The following NHERF2 variants were observed in gnomAD, a reference collection of about 807,000 sequenced individuals.
NHERF2 encodes Na(+)/H(+) exchange regulatory cofactor NHE-RF2.
chr16:2,036,530 GC>G, the NHERF2 span: 1 of 1,561,650 alleles, frequency 6.4e-7, no homozygotes, highest in Non-Finnish European at 8.7e-7. Context: ...GCTGCGGGGT[GC>G]CGAGTGCCCC....
At chr16:2,026,991 T>C in the NHERF2 span, 1 of 1,087,410 alleles carries the variant, frequency 9.2e-7, no homozygotes, top group Non-Finnish European at 1.1e-6. Context: ...GGGCGGCCGG[T>C]GGGCAGCGGG....
At chr16:2,028,834 C>A in the NHERF2 span, among the ~76,000 whole-genome samples, 2 of 152,198 alleles carry the variant, frequency 1.3e-5, no homozygotes, top group Non-Finnish European at 2.9e-5. Context: ...GCTGGCCCCC[C>A]GCGTGGTCCA....
chr16:2,036,190 T>C, the NHERF2 span: 60,977 of 847,592 alleles, frequency 0.072, 2,669 homozygotes, highest in Non-Finnish European at 0.088. Flanking sequence ...GTGCCCGGAG[T>C]GTTTGCCACT....
chr16:2,035,362 C>G, the NHERF2 span: 2 of 948,102 alleles, frequency 2.1e-6, no homozygotes, highest in Admixed American at 6.8e-5. Flanking sequence ...CTCCTGAGGT[C>G]TGAGCGCCCC....
chr16:2,027,303 A>AGGGGGCTCCCGC, the NHERF2 span: 1 of 764,074 alleles, frequency 1.3e-6, no homozygotes, highest in South Asian at 5.1e-5. Flanking sequence ...CGGGGGCCCG[A>AGGGGGCTCCCGC]GGGGGCTCCC....
the NHERF2 span, chr16:2,038,221 C>CAGAGAG: frequency 3.5e-6 from 2 of 568,060 alleles, no homozygotes; most frequent in Admixed American, 3.1e-5. Context: ...GAGACAGAGA[C>CAGAGAG]AGAGAGAGAG....
At chr16:2,035,498 G>A in the NHERF2 span, 165 of 986,114 alleles carry the variant, frequency 1.7e-4, no homozygotes, top group Non-Finnish European at 1.9e-4. Context: ...CCCTGCGCAC[G>A]CCCTCAAGCT....
the NHERF2 span, chr16:2,038,010 C>A: frequency 6.2e-7 from 1 of 1,612,514 alleles, no homozygotes; most frequent in South Asian, 1.1e-5. Flanking sequence ...TCTCGGGACC[C>A]TGGGACCCCT....
chr16:2,030,224 C>G, the NHERF2 span, among the ~76,000 whole-genome samples: 2 of 152,222 alleles, frequency 1.3e-5, no homozygotes, highest in Non-Finnish European at 1.5e-5. Context: ...TGGGAGAGGG[C>G]CGGCCTTCTC....
At chr16:2,032,173 C>G in the NHERF2 span, among the ~76,000 whole-genome samples, 1 of 152,122 alleles carries the variant, frequency 6.6e-6, no homozygotes, top group African/African-American at 2.4e-5. This position sits in a 1 kb window ranked among gnomAD's most constrained non-coding sequence, Gnocchi z 4.0. Context: ...GCGTGTACCA[C>G]CACACCTGGC....
At chr16:2,027,481 G>T in the NHERF2 span, among the ~76,000 whole-genome samples, 1 of 152,264 alleles carries the variant, frequency 6.6e-6, no homozygotes, top group African/African-American at 2.4e-5. Context: ...TTTGGCCTCA[G>T]TGTGCCGTGA....
At chr16:2,038,156 G>T in the NHERF2 span, 1 of 762,552 alleles carries the variant, frequency 1.3e-6, no homozygotes, top group Non-Finnish European at 2.1e-6. Flanking sequence ...CAGGTACTGG[G>T]GGCCTGTGGC....
chr16:2,038,026 A>G, the NHERF2 span: 2 of 1,606,838 alleles, frequency 1.2e-6, no homozygotes, highest in Non-Finnish European at 1.7e-6. Context: ...CCCCTCCCGC[A>G]CGGACCTTGG....
chr16:2,027,399 G>C, the NHERF2 span, among the ~76,000 whole-genome samples: 2 of 148,024 alleles, frequency 1.4e-5, no homozygotes, highest in Admixed American at 6.8e-5. Flanking sequence ...GCACGGGGGT[G>C]GGGGGGGGCA....
At chr16:2,030,890 G>A in the NHERF2 span, among the ~76,000 whole-genome samples, 3 of 151,846 alleles carry the variant, frequency 2.0e-5, no homozygotes, top group South Asian at 2.1e-4. Context: ...TCAGTGAGCC[G>A]AGATCCCGCC....
the NHERF2 span, chr16:2,036,766 G>C: frequency 1.9e-6 from 3 of 1,613,308 alleles, no homozygotes; most frequent in South Asian, 2.2e-5. Flanking sequence ...GCCATGCTGA[G>C]GTGGTGGCCA....
At chr16:2,033,906 C>T in the NHERF2 span, among the ~76,000 whole-genome samples, 3 of 152,188 alleles carry the variant, frequency 2.0e-5, no homozygotes, top group African/African-American at 4.8e-5. Context: ...CTGTGCCTGG[C>T]GCCACTGGGA....
the NHERF2 span, chr16:2,036,749 G>A: frequency 1.2e-6 from 2 of 1,613,144 alleles, no homozygotes; most frequent in Non-Finnish European, 1.7e-6. Flanking sequence ...GAATGTGGAG[G>A]GACTGCGCCA....
At chr16:2,029,757 G>A in the NHERF2 span, 1 of 1,500,520 alleles carries the variant, frequency 6.7e-7, no homozygotes, top group East Asian at 2.7e-5. Flanking sequence ...CACACCGGCA[G>A]CCACAGCTCC....
Sources: gnomAD v4.1 joint callset for allele counts (sites outside exome capture counted in the v4.1 genomes callset) on GRCh38, gnomAD v4.1.1 for gene constraint, Gnocchi (gnomAD v3.1) non-coding constraint, MANE v1.5 for transcripts, NCBI Gene and HGNC (gene_info 2026-07-23, HGNC 2026-07-21) for gene names.